The following SLC16A12 variants were observed in gnomAD, a reference collection of about 807,000 sequenced individuals.
SLC16A12 encodes solute carrier family 16 member 12, also known as monocarboxylate transporter 12.
A neutral mutation model predicts 42.4 loss-of-function variants in SLC16A12; 17 were observed. That is an observed-to-expected ratio of 0.40 (90% CI 0.27 to 0.60). SLC16A12 has a LOEUF of 0.60. SLC16A12 is among the 20% of genes least tolerant of loss of function. The pLI, the probability that SLC16A12 is intolerant of heterozygous loss-of-function variation, is 0.42. For missense variants in SLC16A12, 544 were observed against 623.0 expected, an observed-to-expected ratio of 0.87 and a Z score of 1.35; for synonymous variants, 224 against 229.4, an observed-to-expected ratio of 0.98 and a Z score of 0.21.
chr10:89,487,294 C>T (rs1229360055), intron 2 of SLC16A12, among the ~76,000 whole-genome samples: 1 of 152,028 alleles, frequency 6.6e-6, no homozygotes, highest in Non-Finnish European at 1.5e-5. Context: ...TCATAGTGTA[C>T]CATCTCACAC....
intron 3 of SLC16A12, among the ~76,000 whole-genome samples, chr10:89,446,392 G>A (rs1237250985): frequency 6.6e-6 from 1 of 152,226 alleles, no homozygotes; most frequent in Non-Finnish European, 1.5e-5. Flanking sequence ...AAGCCCATCA[G>A]ACTAACAGCA....
intron 2 of SLC16A12, among the ~76,000 whole-genome samples, chr10:89,517,620 T>C (rs1400784384): frequency 6.6e-6 from 1 of 152,144 alleles, no homozygotes; most frequent in African/African-American, 2.4e-5. Context: ...TCCAACTTTA[T>C]TGAATAGAGG....
chr10:89,537,726 A>T (rs1157665245), upstream of SLC16A12, among the ~76,000 whole-genome samples: 3 of 150,440 alleles, frequency 2.0e-5, no homozygotes, highest in Non-Finnish European at 4.5e-5. Flanking sequence ...CTCACTTTCC[A>T]TTTAAATAAT....
chr10:89,459,693 C>A (rs1166027161), intron 3 of SLC16A12, among the ~76,000 whole-genome samples: 1 of 152,154 alleles, frequency 6.6e-6, no homozygotes, highest in Admixed American at 6.5e-5. Flanking sequence ...ATAATCCTAG[C>A]ACTTGGAGAG....
intron 2 of SLC16A12, among the ~76,000 whole-genome samples, chr10:89,505,191 T>C (rs78796323): frequency 6.6e-6 from 1 of 152,168 alleles, no homozygotes; most frequent in South Asian, 2.1e-4. Flanking sequence ...TATATACTTA[T>C]AATGTATGTA....
At chr10:89,464,355 T>C (rs1319636378) in intron 2 of SLC16A12, among the ~76,000 whole-genome samples, 2 of 152,164 alleles carry the variant, frequency 1.3e-5, no homozygotes, top group East Asian at 3.8e-4. Flanking sequence ...CCACAGAAAC[T>C]GTGAGATAAG....
intron 2 of SLC16A12, among the ~76,000 whole-genome samples, chr10:89,477,691 G>A (rs1842602364): frequency 6.7e-6 from 1 of 149,848 alleles, no homozygotes; most frequent in Non-Finnish European, 1.5e-5. Context: ...AAATAAATTT[G>A]ATGAATTTTC....
At chr10:89,553,207 G>A (rs1042644385) in intron 2 of SLC16A12, among the ~76,000 whole-genome samples, 7 of 152,188 alleles carry the variant, frequency 4.6e-5, no homozygotes, top group African/African-American at 1.7e-4. Flanking sequence ...TGTCTGACTT[G>A]CTCAGAATTT....
chr10:89,539,901 C>CTT (rs1491501963), upstream of SLC16A12, among the ~76,000 whole-genome samples: 2 of 139,190 alleles, frequency 1.4e-5, no homozygotes, highest in African/African-American at 5.4e-5. Flanking sequence ...TTCTTTCTTT[C>CTT]TTTCTTTCTT....
chr10:89,510,263 G>T (rs971167329), intron 2 of SLC16A12, among the ~76,000 whole-genome samples: 1 of 152,138 alleles, frequency 6.6e-6, no homozygotes, highest in Non-Finnish European at 1.5e-5. Context: ...CCATAAAAGA[G>T]CCTGCATAGC....
At chr10:89,510,003 TA>T (rs1843138449) in intron 2 of SLC16A12, among the ~76,000 whole-genome samples, 1 of 152,016 alleles carries the variant, frequency 6.6e-6, no homozygotes, top group South Asian at 2.1e-4. Context: ...ACAAAGAGAA[TA>T]AAATACCTAG....
Position 89,474,586 on chromosome 10 carries a change from C to T in SLC16A12, c.-46-11962G>A, listed in dbSNP as rs189801661. Among the ~76,000 whole-genome samples the T allele has an allele frequency of 5.3e-5, 8 of 152,180 alleles. No homozygotes were observed. In the East Asian group the frequency reaches 5.8e-4, roughly 11 times the overall value. ...AAAATCAACCATTATAACTAGAAAA[C>T]GAACAGTATTTAACACAACCAGCTT... is the stretch of plus-strand genomic sequence containing the variant. On this transcript the variant is annotated intron_variant, in intron 2 of 7. Coordinates refer to ENST00000371790, the MANE Select transcript of SLC16A12 (RefSeq NM_213606.4).
At chr10:89,482,554 G>A (rs1589695202) in intron 2 of SLC16A12, among the ~76,000 whole-genome samples, 1 of 152,166 alleles carries the variant, frequency 6.6e-6, no homozygotes, top group African/African-American at 2.4e-5. Flanking sequence ...GCTGAGGTGG[G>A]CAAATTGCTT....
chr10:89,492,026 A>T (rs1842854479), intron 2 of SLC16A12, among the ~76,000 whole-genome samples: 1 of 152,242 alleles, frequency 6.6e-6, no homozygotes, highest in Non-Finnish European at 1.5e-5. Context: ...AAAAGTTTAG[A>T]TCAATTCATG....
At chr10:89,486,635 GA>G (rs1287474544) in intron 2 of SLC16A12, among the ~76,000 whole-genome samples, 2 of 49,722 alleles carry the variant, frequency 4.0e-5, no homozygotes, top group Non-Finnish European at 8.2e-5. Flanking sequence ...AAGAAAGAAA[GA>G]AAGAAAGAAA....
chr10:89,472,435 C>G (rs1464809235), intron 2 of SLC16A12, among the ~76,000 whole-genome samples: 1 of 150,218 alleles, frequency 6.7e-6, no homozygotes, highest in Non-Finnish European at 1.5e-5. Context: ...AAATCCCAAA[C>G]AAAATTCCAG....
intron 2 of SLC16A12, among the ~76,000 whole-genome samples, chr10:89,554,105 AAGGAAGGAAGGAAG>A: frequency 7.0e-6 from 1 of 143,324 alleles, no homozygotes; most frequent in Non-Finnish European, 1.5e-5. Flanking sequence ...AGAAAGAAGG[AAGGAAGGAAGGAAG>A]GAAGGAAGGA....
intron 2 of SLC16A12, among the ~76,000 whole-genome samples, chr10:89,496,040 T>A (rs1426409269): frequency 6.6e-6 from 1 of 152,120 alleles, no homozygotes; most frequent in African/African-American, 2.4e-5. Context: ...CAACCAAAGA[T>A]CATCAAATAG....
At chr10:89,545,200 T>C (rs566554807) in intron 2 of SLC16A12, among the ~76,000 whole-genome samples, 150 of 152,282 alleles carry the variant, frequency 9.9e-4, no homozygotes, top group Non-Finnish European at 1.6e-3. Context: ...TGAGACCAGC[T>C]GAGATCAGCA....
Sources: gnomAD v4.1 joint callset for allele counts (sites outside exome capture counted in the v4.1 genomes callset) on GRCh38, gnomAD v4.1.1 for gene constraint, MANE v1.5 for transcripts, NCBI Gene and HGNC (gene_info 2026-07-23, HGNC 2026-07-21) for gene names.